Variants in COL5A2 observed in about 807,000 individuals in gnomAD.
COL5A2 encodes the protein collagen type V alpha 2 chain.
COL5A2 carries 23 observed loss-of-function variants against 208.2 expected under a neutral mutation model. The ratio of observed to expected loss-of-function variants is 0.11; its 90% CI spans 0.08 to 0.16. COL5A2 has a LOEUF of 0.16. Among genes scored for constraint, COL5A2 ranks in the 10% least tolerant of loss-of-function variants. COL5A2 has a pLI of 1.00. For synonymous variants in COL5A2, 625 were observed against 628.5 expected (o/e 0.99, Z 0.08); for missense variants, 1,590 against 1,956.4 (o/e 0.81, Z 3.53).
the COL5A2 span, among the ~76,000 whole-genome samples, chr2:189,376,141 C>A: frequency 6.6e-6 from 1 of 152,026 alleles, no homozygotes; most frequent in Admixed American, 6.6e-5. Context: ...TTTAAAAATT[C>A]TTTTAAAAAA....
the COL5A2 span, among the ~76,000 whole-genome samples, chr2:189,358,325 T>C: frequency 2.6e-5 from 4 of 152,218 alleles, no homozygotes; most frequent in Non-Finnish European, 5.9e-5. Context: ...AAGAGATTAC[T>C]GTTGTTTTCA....
At chr2:189,280,836 A>AT in the COL5A2 span, among the ~76,000 whole-genome samples, 1 of 152,040 alleles carries the variant, frequency 6.6e-6, no homozygotes, top group Non-Finnish European at 1.5e-5. Context: ...AGAAGCAACT[A>AT]TTTTACTTTG....
intron 1 of COL5A2, among the ~76,000 whole-genome samples, chr2:189,207,495 T>C (rs958621629): frequency 8.5e-5 from 13 of 152,194 alleles, no homozygotes; most frequent in South Asian, 8.3e-4. Flanking sequence ...TTATCAAGCA[T>C]CCATTAAATG....
chr2:189,301,793 T>C, the COL5A2 span, among the ~76,000 whole-genome samples: 1 of 152,218 alleles, frequency 6.6e-6, no homozygotes, highest in East Asian at 1.9e-4. Flanking sequence ...TATTGTTGTA[T>C]CTTTCTTTTG....
At chr2:189,433,735 T>C in the COL5A2 span, among the ~76,000 whole-genome samples, 1 of 152,120 alleles carries the variant, frequency 6.6e-6, no homozygotes. Context: ...GGATTCACAG[T>C]CGAATTCTAC....
the COL5A2 span, among the ~76,000 whole-genome samples, chr2:189,363,195 C>T: frequency 1.3e-5 from 2 of 152,022 alleles, no homozygotes; most frequent in African/African-American, 4.8e-5. Context: ...AACTTCAATG[C>T]TCTCAAATAC....
At chr2:189,293,537 C>G in the COL5A2 span, among the ~76,000 whole-genome samples, 1 of 152,132 alleles carries the variant, frequency 6.6e-6, no homozygotes, top group African/African-American at 2.4e-5. Flanking sequence ...TCCTAACCCA[C>G]AAGGTTAGGA....
intron 40 of COL5A2, 100 bp downstream of exon 40, chr2:189,052,649 T>C: frequency 6.1e-6 from 7 of 1,145,962 alleles, no homozygotes; most frequent in Non-Finnish European, 9.2e-6. Flanking sequence ...TAATAATTTG[T>C]TATTTCAGTC....
the COL5A2 span, among the ~76,000 whole-genome samples, chr2:189,301,670 T>A: frequency 6.6e-6 from 1 of 152,178 alleles, no homozygotes; most frequent in Non-Finnish European, 1.5e-5. Context: ...AAGATGAACT[T>A]CACCAGAGAT....
At chr2:189,358,101 G>T in the COL5A2 span, among the ~76,000 whole-genome samples, 9 of 152,052 alleles carry the variant, frequency 5.9e-5, no homozygotes, top group African/African-American at 2.2e-4. Flanking sequence ...ACCTCAGTTG[G>T]AAATTTAGAA....
the COL5A2 span, among the ~76,000 whole-genome samples, chr2:189,275,587 G>A: frequency 0.14 from 21,427 of 151,688 alleles, 1,932 homozygotes; most frequent in South Asian, 0.2. Context: ...TCCAGCAGCT[G>A]GGATTACAGG....
At chr2:189,258,608 C>T in the COL5A2 span, among the ~76,000 whole-genome samples, 3 of 152,134 alleles carry the variant, frequency 2.0e-5, no homozygotes, top group Non-Finnish European at 4.4e-5. Context: ...ATAACTAAGT[C>T]CTGTCCTCAA....
chr2:189,096,621 C>CAAAAAA, intron 6 of COL5A2, among the ~76,000 whole-genome samples: 1 of 71,112 alleles, frequency 1.4e-5, no homozygotes, highest in East Asian at 3.9e-4. Context: ...GACTCCGTCT[C>CAAAAAA]AAAAAAAAAA....
rs115536167 is a variant in COL5A2 at position 189,048,478 on chromosome 2, T to C, written c.3148-216A>G. On this transcript the variant is annotated intron_variant, in intron 44 of 53. Transcript: ENST00000374866. ...ATTCTTACTTAATCCATATTCTTCA[T>C]TTATATTTCTTATTTTGAAAAACAA... is the stretch of plus-strand genomic sequence containing the variant. Among the ~76,000 whole-genome samples the C allele has an allele frequency of 0.01, 1,529 of 152,372 alleles. 17 individuals carry two copies. Among genetic ancestry groups the C allele is most frequent in the Non-Finnish European group, 0.017 (1,123 of 68,036 alleles).
the COL5A2 span, among the ~76,000 whole-genome samples, chr2:189,320,021 C>T: frequency 5.3e-5 from 8 of 152,232 alleles, no homozygotes; most frequent in South Asian, 2.1e-4. Flanking sequence ...ATTCACTGTT[C>T]TGCAGCCTCC....
At chr2:189,106,402 G>A (rs1249463906) in intron 2 of COL5A2, among the ~76,000 whole-genome samples, 1 of 151,214 alleles carries the variant, frequency 6.6e-6, no homozygotes, top group Non-Finnish European at 1.5e-5. Flanking sequence ...CTTCTATGAT[G>A]TAATTGTTTA....
At chr2:189,132,763 A>C (rs1687741804) in intron 1 of COL5A2, among the ~76,000 whole-genome samples, 2 of 151,988 alleles carry the variant, frequency 1.3e-5, no homozygotes, top group Non-Finnish European at 2.9e-5. Flanking sequence ...TCTACTAAAA[A>C]TACAAAAATT....
intron 1 of COL5A2, among the ~76,000 whole-genome samples, chr2:189,194,289 G>A (rs1688968098): frequency 6.6e-6 from 1 of 152,086 alleles, no homozygotes. Context: ...TACCAAAGTA[G>A]CACATGCTTT....
At chr2:189,362,280 G>A in the COL5A2 span, among the ~76,000 whole-genome samples, 1 of 152,048 alleles carries the variant, frequency 6.6e-6, no homozygotes, top group African/African-American at 2.4e-5. Flanking sequence ...ATCATATAAT[G>A]GCTTTATAAG....
Sources: gnomAD v4.1 joint callset for allele counts (sites outside exome capture counted in the v4.1 genomes callset) on GRCh38, gnomAD v4.1.1 for gene constraint, MANE v1.5 for transcripts, NCBI Gene and HGNC (gene_info 2026-07-23, HGNC 2026-07-21) for gene names.